The following TUSC3 variants were observed in gnomAD, a reference collection of about 807,000 sequenced individuals.
TUSC3 encodes the protein tumor suppressor candidate 3.
Under a neutral mutation model 44.8 loss-of-function variants are expected in TUSC3, and 45 were observed. The observed-to-expected ratio is 1.00, with a 90% confidence interval of 0.79 to 1.29. The LOEUF is 1.29. Ranked by LOEUF, TUSC3 falls within the 50% of genes most tolerant of loss-of-function variation. The pLI, the probability that TUSC3 is intolerant of heterozygous loss-of-function variation, is 0.00. For missense variants in TUSC3, 519 were observed against 437.9 expected, an observed-to-expected ratio of 1.19 and a Z score of -1.65; for synonymous variants, 212 against 152.9, an observed-to-expected ratio of 1.39 and a Z score of -2.85.
At chr8:15,813,459 G>A in the TUSC3 span, among the ~76,000 whole-genome samples, 2 of 148,108 alleles carry the variant, frequency 1.4e-5, no homozygotes, top group Non-Finnish European at 2.9e-5. Flanking sequence ...ATACCATCCT[G>A]TAAGTTCTGA....
intron 1 of TUSC3, among the ~76,000 whole-genome samples, chr8:15,436,495 C>G (rs754193650): frequency 2.6e-5 from 4 of 152,118 alleles, no homozygotes; most frequent in Non-Finnish European, 5.9e-5. Flanking sequence ...ACCTTGTGAG[C>G]TAGTTTGTAC....
chr8:15,517,199 G>C (rs1801228917), intron 2 of TUSC3, among the ~76,000 whole-genome samples: 1 of 152,024 alleles, frequency 6.6e-6, no homozygotes, highest in South Asian at 2.1e-4. Context: ...ATTTATCTTA[G>C]CCCAATTTTT....
intron 2 of TUSC3, among the ~76,000 whole-genome samples, chr8:15,638,257 G>A (rs1373974993): frequency 6.6e-6 from 1 of 151,470 alleles, no homozygotes; most frequent in African/African-American, 2.4e-5. Context: ...GATTACTGAA[G>A]TTATAAATGT....
chr8:15,697,255 A>G (rs184460151), intron 6 of TUSC3, among the ~76,000 whole-genome samples: 1 of 151,754 alleles, frequency 6.6e-6, no homozygotes, highest in East Asian at 1.9e-4. Context: ...TATCTTTTGT[A>G]TTTTGTTTTT....
At chr8:15,759,540 A>G (rs352803) in intron 10 of TUSC3, among the ~76,000 whole-genome samples, 12 of 152,076 alleles carry the variant, frequency 7.9e-5, no homozygotes, top group Non-Finnish European at 1.5e-4. Context: ...CAGATATTTC[A>G]CAGGAAGGGA....
At chr8:15,497,070 A>C (rs532143769) in intron 2 of TUSC3, among the ~76,000 whole-genome samples, 1 of 152,206 alleles carries the variant, frequency 6.6e-6, no homozygotes, top group Non-Finnish European at 1.5e-5. Context: ...GAAATGACAA[A>C]ATACGGAAAA....
At chr8:15,801,370 A>G in the TUSC3 span, among the ~76,000 whole-genome samples, 2 of 152,184 alleles carry the variant, frequency 1.3e-5, no homozygotes, top group African/African-American at 4.8e-5. Context: ...TAAAGAATGC[A>G]TCAATGTGTG....
At chr8:15,842,028 C>T in the TUSC3 span, among the ~76,000 whole-genome samples, 1 of 152,150 alleles carries the variant, frequency 6.6e-6, no homozygotes, top group Non-Finnish European at 1.5e-5. Context: ...ATTTTAGTGA[C>T]TTGCTAACTG....
chr8:15,614,347 TGACTTTCAG>T (rs1804895087), intron 1 of TUSC3, among the ~76,000 whole-genome samples: 1 of 152,166 alleles, frequency 6.6e-6, no homozygotes, highest in African/African-American at 2.4e-5. Context: ...TATGATTAAA[TGACTTTCAG>T]TAACTTTAGT....
the TUSC3 span, among the ~76,000 whole-genome samples, chr8:15,798,144 TG>T: frequency 6.6e-6 from 1 of 152,206 alleles, no homozygotes; most frequent in Non-Finnish European, 1.5e-5. Flanking sequence ...TCTGGCAATA[TG>T]GGACAAAGAA....
intron 6 of TUSC3, among the ~76,000 whole-genome samples, chr8:15,691,275 G>T (rs1360915845): frequency 2.6e-5 from 4 of 152,088 alleles, no homozygotes; most frequent in African/African-American, 9.7e-5. Flanking sequence ...TGGCAGTTGT[G>T]AATGGGATTT....
At chr8:15,809,747 T>C in the TUSC3 span, among the ~76,000 whole-genome samples, 21 of 152,212 alleles carry the variant, frequency 1.4e-4, no homozygotes, top group Non-Finnish European at 2.9e-4. Flanking sequence ...ACCAAAACTG[T>C]AGCAAGTGCA....
At chr8:15,628,463 T>G (rs73195103) in intron 2 of TUSC3, among the ~76,000 whole-genome samples, 17,491 of 152,256 alleles carry the variant, frequency 0.11, 1,315 homozygotes, top group Middle Eastern at 0.2. Context: ...TAGCCTATTT[T>G]AAGAAACTTA....
intron 1 of TUSC3, among the ~76,000 whole-genome samples, chr8:15,444,793 C>G (rs1284608634): frequency 6.6e-6 from 1 of 152,108 alleles, no homozygotes. Context: ...TCTTCTTACC[C>G]TCTTAAAATG....
intron 1 of TUSC3, among the ~76,000 whole-genome samples, chr8:15,593,160 A>G (rs2129151272): frequency 6.6e-6 from 1 of 152,252 alleles, no homozygotes; most frequent in East Asian, 1.9e-4. Context: ...ATCTTGGCTC[A>G]CTGCAGCCTC....
intron 6 of TUSC3, 111 bp from the exon 7 acceptor site, chr8:15,730,555 A>G: frequency 9.5e-7 from 1 of 1,048,544 alleles, no homozygotes; most frequent in South Asian, 1.4e-5. Context: ...AGTAATAAAA[A>G]ATTAGTAAAA....
At chr8:15,750,784 C>G (rs1186625290) in intron 9 of TUSC3, among the ~76,000 whole-genome samples, 1 of 152,172 alleles carries the variant, frequency 6.6e-6, no homozygotes, top group South Asian at 2.1e-4. Flanking sequence ...CTCCTGTCAG[C>G]TCCCCACCAG....
chr8:15,525,660 G>C (rs60826017), intron 2 of TUSC3, among the ~76,000 whole-genome samples: 25,345 of 152,096 alleles, frequency 0.17, 4,232 homozygotes, highest in African/African-American at 0.43. Context: ...AGATAATCCA[G>C]AAAGACAGAG....
At chr8:15,699,109 A>T (rs942981948) in intron 6 of TUSC3, among the ~76,000 whole-genome samples, 1 of 152,164 alleles carries the variant, frequency 6.6e-6, no homozygotes, top group Non-Finnish European at 1.5e-5. Context: ...TGGCCTGCCA[A>T]AGTACCAGGA....
Sources: allele counts gnomAD v4.1 joint callset (sites outside exome capture counted in the v4.1 genomes callset), GRCh38; gene constraint gnomAD v4.1.1; transcripts MANE v1.5; gene names NCBI Gene and HGNC (gene_info 2026-07-23, HGNC 2026-07-21).